GOLGA3: variants seen among roughly 807,000 people sequenced by gnomAD.
The protein encoded by GOLGA3 is golgin subfamily A member 3.
A neutral mutation model predicts 169.4 loss-of-function variants in GOLGA3; 75 were observed. That is an observed-to-expected ratio of 0.44 (90% CI 0.37 to 0.54). The LOEUF (loss-of-function observed/expected upper bound fraction) is 0.54, where lower values mean the gene tolerates loss of function less well. Ranked by LOEUF, GOLGA3 falls within the 20% of genes least tolerant of loss-of-function variation. The pLI is 0.00. For synonymous variants in GOLGA3, 824 were observed against 822.4 expected (o/e 1.00, Z -0.03); for missense variants, 1,899 against 1,930.0 (o/e 0.98, Z 0.30).
chr12:132,774,410 A>ACGTCC, intron 22 of GOLGA3, 90 bp from the exon 23 acceptor site: 1 of 1,459,788 alleles, frequency 6.9e-7, no homozygotes, highest in Non-Finnish European at 9.4e-7. Context: ...GGGCCTCCCC[A>ACGTCC]ACTGGTGGAC....
chr12:132,790,635 C>T (rs1211196591), intron 12 of GOLGA3, among the ~76,000 whole-genome samples: 1 of 152,152 alleles, frequency 6.6e-6, no homozygotes, highest in African/African-American at 2.4e-5. Flanking sequence ...CTGGAGTGAG[C>T]ACAACAGGGT....
Position 132,773,181 on chromosome 12 carries a change from C to T in GOLGA3, c.4421G>A (p.Gly1474Glu). Residue 1474 changes from glycine (G) to glutamate (E), a missense_variant, in exon 24 of 24, where the codon GGG (glycine) becomes GAG (glutamate). Coordinates refer to ENST00000450791, the MANE Select transcript of GOLGA3 (RefSeq NM_001389683.1). ...EPATASPVPP[G>E]GHAGPRGDPQ... ...GTCGCCGCGTGGGCCGGCGTGACCC[C>T]CCGGGGGCACAGGGCTGGCAGTGGC... 6.3e-7 allele frequency: 1 copy of T among 1,586,826 alleles called. No individual in the cohort carries two copies. Among genetic ancestry groups the T allele is most frequent in the Non-Finnish European group, 8.6e-7 (1 of 1,165,922 alleles).
intron 9 of GOLGA3, among the ~76,000 whole-genome samples, chr12:132,797,264 G>T (rs1215151585): frequency 6.6e-6 from 1 of 152,156 alleles, no homozygotes; most frequent in Non-Finnish European, 1.5e-5. Flanking sequence ...GAGAAACCAC[G>T]TGAGGCTGCA....
At position 132,777,880 on chromosome 12, in the gene GOLGA3, T is replaced by C. The variant is rs1245999354; in HGVS notation, c.3583-75A>G. 4.6e-6 allele frequency: 7 copies of C among 1,523,918 alleles called. No individual in the cohort carries two copies. Among genetic ancestry groups the C allele is most frequent in the African/African-American group, 1.4e-5 (1 of 73,180 alleles). 94.4% of individuals were successfully genotyped at this position (1,523,918 alleles called of 1,614,324 possible). On this transcript the variant is annotated intron_variant, in intron 18 of 23. Coordinates refer to ENST00000450791, the MANE Select transcript of GOLGA3 (RefSeq NM_001389683.1). The surrounding 1 kb of genome is among the most constrained non-coding windows in gnomAD (Gnocchi z 4.7). ...TTTATGACGTGCCGGGCGCAGGGGGTGAATGCACTCCCGGCCCCGTGCATG... is the reference window on the plus strand; with the variant it reads ...TTTATGACGTGCCGGGCGCAGGGGGCGAATGCACTCCCGGCCCCGTGCATG...
At chr12:132,798,183 G>GGGT (rs1948957365) in intron 9 of GOLGA3, among the ~76,000 whole-genome samples, 157 bp downstream of exon 9, 1 of 136,064 alleles carries the variant, frequency 7.3e-6, no homozygotes, top group East Asian at 2.7e-4. Flanking sequence ...GAGGGGTGGG[G>GGGT]GGGGGGTCCC....
chr12:132,792,040 G>A (rs1411224446), intron 11 of GOLGA3, among the ~76,000 whole-genome samples: 6 of 150,302 alleles, frequency 4.0e-5, no homozygotes, highest in East Asian at 3.9e-4. Context: ...GGCTACAGCA[G>A]GGGGACACAT....
rs558367126 is a variant in GOLGA3, at chr12:132,786,501, G to A, written c.2961C>T (p.Ser987=). 1.3e-5 allele frequency: 21 copies of A among 1,613,574 alleles called. No individual in the cohort carries two copies. The highest frequency in any genetic ancestry group is 9.9e-5 in the South Asian group (9 of 91,050). The change falls in exon 15 of 24, where the codon AGC becomes AGT. Residue 987 remains serine, a synonymous_variant. Coordinates refer to ENST00000450791, the MANE Select transcript of GOLGA3 (RefSeq NM_001389683.1). The part of the protein sequence containing the change: ...KMRRLGSDLT[S]AQKEMKTKHK... ...GTTTGGTCTTCATCTCCTTCTGGGC[G>A]CTGGTCAAGTCTGAGCCCAGCCGCC...
chr12:132,774,072 A>G (rs1437053888), intron 23 of GOLGA3, 85 bp downstream of exon 23: 3 of 1,271,582 alleles, frequency 2.4e-6, no homozygotes, highest in Non-Finnish European at 3.3e-6. Flanking sequence ...CTGGGCACTC[A>G]GTACTGGCAC....
At position 132,807,913 on chromosome 12, in the gene GOLGA3, G is replaced by A. The variant is rs374651529; in HGVS notation, c.1156C>T (p.Arg386Trp). 2.9e-5 allele frequency: 42 copies of A among 1,443,238 alleles called. No homozygotes were observed. Among genetic ancestry groups the A allele is most frequent in the African/African-American group, 1.0e-4 (7 of 66,694 alleles). 89.4% of individuals were successfully genotyped at this position (1,443,238 alleles called of 1,614,324 possible). Residue 386 changes from arginine to tryptophan, a missense_variant, in exon 5 of 24, where the codon CGG becomes TGG. Physicochemically the swap from Arg to Trp is moderately radical, Grantham distance 101 (BLOSUM62 -3). Transcript: ENST00000450791. Reference sequence around the variant, plus strand: ...CACCTGCTGCAGATGCTGTCTCTCCGACTCCGCACCTCCCCGTTGACCTCC... The same window carrying A: ...CACCTGCTGCAGATGCTGTCTCTCCAACTCCGCACCTCCCCGTTGACCTCC... ...GQEVNGEVRSRRDSICSSVSL... is the reference protein window; with the variant it reads ...GQEVNGEVRSWRDSICSSVSL...
At chr12:132,818,057 C>T (rs1481245373) in intron 2 of GOLGA3, among the ~76,000 whole-genome samples, 1 of 146,818 alleles carries the variant, frequency 6.8e-6, no homozygotes, top group African/African-American at 2.6e-5. Context: ...CACCTGTACG[C>T]TCTAACGTGA....
At position 132,787,817 on chromosome 12, in the gene GOLGA3, C is replaced by CT. The variant is rs578180431; in HGVS notation, c.2812-1031_2812-1030insA. 1.2e-4 allele frequency among the ~76,000 whole-genome samples: 6 copies of CT among 50,398 alleles called. 1 individual carries two copies. Among genetic ancestry groups the CT allele is most frequent in the East Asian group, 1.0e-3 (2 of 1,982 alleles). 33.1% of individuals were successfully genotyped at this position (50,398 alleles called of 152,430 possible). A position where few individuals can be genotyped will look rare whatever the true frequency, so the allele number is the denominator to read the frequency against. On this transcript the variant is annotated intron_variant, in intron 13 of 23. Coordinates refer to ENST00000450791, the MANE Select transcript of GOLGA3 (RefSeq NM_001389683.1). Reference sequence around the variant, plus strand: ...CCACGGGACCCCTCCCCGGAGACCCCGGGACCCCTCCCCGGAGACCCCGGG... The same window carrying CT: ...CCACGGGACCCCTCCCCGGAGACCCCTGGGACCCCTCCCCGGAGACCCCGGG...
chr12:132,788,315 A>AT (rs2046033719), intron 13 of GOLGA3, among the ~76,000 whole-genome samples: 1 of 152,188 alleles, frequency 6.6e-6, no homozygotes, highest in South Asian at 2.1e-4. Context: ...CTTCATAAGC[A>AT]AAACGTAGCA....
intron 8 of GOLGA3, among the ~76,000 whole-genome samples, chr12:132,801,473 C>T (rs1379123747): frequency 6.6e-6 from 1 of 152,090 alleles, no homozygotes; most frequent in Non-Finnish European, 1.5e-5. Context: ...TCCCGAGACC[C>T]AGGCAAATGA....
At chr12:132,812,449 G>A (rs1949767202) in intron 4 of GOLGA3, among the ~76,000 whole-genome samples, 2 of 152,088 alleles carry the variant, frequency 1.3e-5, no homozygotes, top group Admixed American at 1.3e-4. Flanking sequence ...ATGGATCTGG[G>A]CAAAGTAAAC....
chr12:132,825,034 A>G (rs767256039), intron 1 of GOLGA3, among the ~76,000 whole-genome samples: 20 of 152,298 alleles, frequency 1.3e-4, no homozygotes, highest in Non-Finnish European at 2.2e-4. Flanking sequence ...GGAGGACTAC[A>G]CGCGGTGGAA....
Position 132,780,706 on chromosome 12 carries a change from G to A in GOLGA3, c.3582+92C>T. On this transcript the variant is annotated intron_variant, in intron 18 of 23. Transcript: ENST00000450791. ...CACACCTTTGCTCTGTGTAACTGCT[G>A]GAAGGAGGCTGGTGTGTGAAGGACC... 8.7e-6 allele frequency: 7 copies of A among 803,934 alleles called. No homozygotes were observed. In the South Asian group the frequency reaches 1.0e-4, roughly 12 times the overall value. The allele number at this position is 803,934 out of a possible 1,614,324, so 49.8% of individuals were successfully genotyped here.
chr12:132,773,427 CCACAGAAG>C, intron 23 of GOLGA3, 133 bp from the exon 24 acceptor site: 1 of 528,952 alleles, frequency 1.9e-6, no homozygotes, highest in Non-Finnish European at 3.3e-6. Flanking sequence ...CCAACTGAGA[CCACAGAAG>C]CTCAGCTGTT....
At chr12:132,778,224 C>A (rs909713181) in intron 18 of GOLGA3, among the ~76,000 whole-genome samples, 1 of 151,972 alleles carries the variant, frequency 6.6e-6, no homozygotes, top group Non-Finnish European at 1.5e-5. Context: ...TGCAGGGGAG[C>A]TGTGATCGCG....
intron 21 of GOLGA3, among the ~76,000 whole-genome samples, chr12:132,775,784 G>GC (rs2045193199): frequency 6.6e-6 from 1 of 152,196 alleles, no homozygotes; most frequent in African/African-American, 2.4e-5. Context: ...TGTAACTCAA[G>GC]CCCCTCATTT....
Sources: allele counts gnomAD v4.1 joint callset (sites outside exome capture counted in the v4.1 genomes callset), GRCh38; gene constraint gnomAD v4.1.1; non-coding constraint Gnocchi (gnomAD v3.1); transcripts MANE v1.5; gene names NCBI Gene and HGNC (gene_info 2026-07-23, HGNC 2026-07-21).